The following ZNF236 variants were observed in gnomAD, a reference collection of about 807,000 sequenced individuals.
ZNF236 encodes zinc finger protein 236.
A neutral mutation model predicts 191.2 loss-of-function variants in ZNF236; 50 were observed. That is an observed-to-expected ratio of 0.26 (90% CI 0.21 to 0.33). The LOEUF is 0.33. ZNF236 is among the 10% of genes least tolerant of loss of function. ZNF236 has a pLI of 1.00. For missense variants in ZNF236, 1,754 were observed against 2,374.5 expected (o/e 0.74, Z 5.43); for synonymous variants, 907 against 928.8 (o/e 0.98, Z 0.43).
chr18:76,912,070 A>G (rs1967230915), intron 16 of ZNF236, among the ~76,000 whole-genome samples, 174 bp from the exon 17 acceptor site: 1 of 152,162 alleles, frequency 6.6e-6, no homozygotes, highest in African/African-American at 2.4e-5. Flanking sequence ...AAATCTGTAT[A>G]AGTGATCTTT....
intron 3 of ZNF236, among the ~76,000 whole-genome samples, chr18:76,864,908 C>G (rs1976363231): frequency 6.6e-6 from 1 of 151,860 alleles, no homozygotes; most frequent in Non-Finnish European, 1.5e-5. Context: ...AAAATGAATT[C>G]TAAGAAATTC....
chr18:76,963,149 G>T (rs1440790108), intron 30 of ZNF236, among the ~76,000 whole-genome samples: 9 of 152,162 alleles, frequency 5.9e-5, no homozygotes, highest in African/African-American at 2.2e-4. Context: ...TCTTTGTCTT[G>T]TTTCAGTTCT....
intron 9 of ZNF236, among the ~76,000 whole-genome samples, chr18:76,883,006 G>A (rs1976940925): frequency 6.6e-6 from 1 of 152,226 alleles, no homozygotes; most frequent in African/African-American, 2.4e-5. Context: ...AAGCCACTGA[G>A]TGAGGAGCCA....
chr18:76,905,453 A>AT, intron 13 of ZNF236, 38 bp downstream of exon 13: 4 of 1,592,224 alleles, frequency 2.5e-6, no homozygotes, highest in Non-Finnish European at 3.4e-6. Flanking sequence ...TATCATCTTT[A>AT]TAATTTCCAG....
chr18:76,942,735 T>C lies in ZNF236; in HGVS notation c.4783-4786T>C, dbSNP rs982268697. Among the ~76,000 whole-genome samples the C allele has an allele frequency of 2.2e-4, 33 of 150,076 alleles. No homozygotes were observed. In the East Asian group the frequency reaches 6.7e-3, roughly 31 times the overall value. On this transcript the variant is annotated intron_variant, in intron 26 of 30. Coordinates refer to ENST00000320610, the MANE Select transcript of ZNF236 (RefSeq NM_001306089.2). ...TTCACCATGTCAGCCAGGATGGTCTTGATCTCCTGACCTCGTGATCCGCCC... is the reference window on the plus strand; with the variant it reads ...TTCACCATGTCAGCCAGGATGGTCTCGATCTCCTGACCTCGTGATCCGCCC...
intron 26 of ZNF236, among the ~76,000 whole-genome samples, chr18:76,941,642 C>T (rs750859449): frequency 6.6e-6 from 1 of 152,140 alleles, no homozygotes; most frequent in Non-Finnish European, 1.5e-5. Context: ...GTGAGCAGCA[C>T]GAGCCGGGTG....
intron 28 of ZNF236, among the ~76,000 whole-genome samples, chr18:76,957,131 G>T (rs564607705): frequency 3.5e-4 from 53 of 151,854 alleles, no homozygotes; most frequent in African/African-American, 1.2e-3. Flanking sequence ...CTGGACCCTT[G>T]GGGTTCCTGT....
intron 27 of ZNF236, 85 bp from the exon 28 acceptor site, chr18:76,955,898 CCT>C: frequency 7.0e-7 from 1 of 1,424,640 alleles, no homozygotes; most frequent in Non-Finnish European, 9.7e-7. Flanking sequence ...TAGGAATGTC[CCT>C]CTTATCACCA....
intron 1 of ZNF236, among the ~76,000 whole-genome samples, chr18:76,847,462 T>A (rs1387862308): frequency 6.6e-6 from 1 of 151,934 alleles, no homozygotes; most frequent in Non-Finnish European, 1.5e-5. Flanking sequence ...TTTTATTTAT[T>A]TTTATTTATT....
intron 1 of ZNF236, chr18:76,824,364 C>G: frequency 1.3e-6 from 1 of 781,046 alleles, no homozygotes; most frequent in Admixed American, 1.7e-5. Flanking sequence ...CCTCATGGGC[C>G]TTTGTGGGCT....
chr18:76,830,574 A>C (rs557045694), intron 1 of ZNF236, among the ~76,000 whole-genome samples: 6 of 152,184 alleles, frequency 3.9e-5, no homozygotes, highest in Admixed American at 1.3e-4. Context: ...CCTGGGCCAC[A>C]TTGGAAGAAC....
chr18:76,828,959 G>T (rs1192099453), intron 1 of ZNF236, among the ~76,000 whole-genome samples: 1 of 151,068 alleles, frequency 6.6e-6, no homozygotes, highest in Non-Finnish European at 1.5e-5. Context: ...CCACCGTGGA[G>T]TCTTTAGTAA....
intron 7 of ZNF236, among the ~76,000 whole-genome samples, chr18:76,878,803 G>C (rs887839311): frequency 6.6e-6 from 1 of 152,180 alleles, no homozygotes; most frequent in African/African-American, 2.4e-5. Context: ...AGTGTCGGAA[G>C]TTTTAATGTA....
chr18:76,875,393 G>A lies in ZNF236; in HGVS notation c.668-99G>A. Reference sequence around the variant, plus strand: ...AGAGTTCTGGGGAGACATTTTGGCTGGAGGGATAGGTTTGGGTAACTTCAG... The same window carrying A: ...AGAGTTCTGGGGAGACATTTTGGCTAGAGGGATAGGTTTGGGTAACTTCAG... On this transcript the variant is annotated intron_variant, in intron 5 of 30. Transcript: ENST00000320610. The surrounding 1 kb of genome is among the most constrained non-coding windows in gnomAD (Gnocchi z 4.3). 1 of 1,186,894 alleles carries A rather than the reference G, an allele frequency of 8.4e-7. No homozygotes were observed. Among genetic ancestry groups the A allele is most frequent in the Non-Finnish European group, 1.1e-6 (1 of 892,692 alleles). The allele number at this position is 1,186,894 out of a possible 1,614,324, so 73.5% of individuals were successfully genotyped here.
intron 26 of ZNF236, among the ~76,000 whole-genome samples, chr18:76,941,209 C>G (rs1363933350): frequency 6.6e-6 from 1 of 152,160 alleles, no homozygotes; most frequent in African/African-American, 2.4e-5. Context: ...TGAGGAAGGG[C>G]TGTAGAGTGA....
At chr18:76,902,332 A>G (rs1977617670) in intron 11 of ZNF236, among the ~76,000 whole-genome samples, 1 of 152,212 alleles carries the variant, frequency 6.6e-6, no homozygotes, top group Non-Finnish European at 1.5e-5. Flanking sequence ...TGATAAAAAC[A>G]TGGTAAGGAG....
intron 3 of ZNF236, among the ~76,000 whole-genome samples, chr18:76,853,700 A>G (rs924258584): frequency 6.6e-6 from 1 of 152,066 alleles, no homozygotes; most frequent in African/African-American, 2.4e-5. Flanking sequence ...CTAAGTTAAT[A>G]AGAATACATT....
intron 30 of ZNF236, among the ~76,000 whole-genome samples, chr18:76,962,893 T>A (rs1968697427): frequency 6.6e-6 from 1 of 152,204 alleles, no homozygotes; most frequent in Non-Finnish European, 1.5e-5. Context: ...GCTGTTGGTG[T>A]ATAGAAGAGC....
intron 3 of ZNF236, among the ~76,000 whole-genome samples, chr18:76,854,416 A>G (rs919231626): frequency 1.3e-5 from 2 of 152,038 alleles, no homozygotes; most frequent in Non-Finnish European, 2.9e-5. Context: ...CTTTTCACTC[A>G]TCATCAAAGT....
Sources: allele counts gnomAD v4.1 joint callset (sites outside exome capture counted in the v4.1 genomes callset), GRCh38; gene constraint gnomAD v4.1.1; non-coding constraint Gnocchi (gnomAD v3.1); transcripts MANE v1.5; gene names NCBI Gene and HGNC (gene_info 2026-07-23, HGNC 2026-07-21).